Variants in ZMYM2 observed in about 807,000 individuals in gnomAD.
ZMYM2 encodes zinc finger MYM-type containing 2.
A neutral mutation model predicts 162.8 loss-of-function variants in ZMYM2; 56 were observed. The ratio of observed to expected loss-of-function variants is 0.34; its 90% CI spans 0.28 to 0.43. ZMYM2 has a LOEUF of 0.43. Ranked by LOEUF, ZMYM2 falls within the 20% of genes least tolerant of loss-of-function variation. The pLI is 1.00. For missense variants in ZMYM2, 1,275 were observed against 1,621.8 expected (o/e 0.79, Z 3.67); for synonymous variants, 510 against 541.6 (o/e 0.94, Z 0.81).
chr13:19,987,616 T>TTGGTG (rs1949273737), intron 2 of ZMYM2, among the ~76,000 whole-genome samples: 1 of 119,564 alleles, frequency 8.4e-6, no homozygotes, highest in Non-Finnish European at 1.7e-5. Context: ...AGATGGGGTT[T>TTGGTG]TGTCGTGTGT....
At chr13:19,903,742 G>A in the ZMYM2 span, among the ~76,000 whole-genome samples, 1 of 151,568 alleles carries the variant, frequency 6.6e-6, no homozygotes, top group South Asian at 2.1e-4. Context: ...CCAGCTACTT[G>A]GGAGGCTGAG....
At chr13:19,925,206 T>C in the ZMYM2 span, among the ~76,000 whole-genome samples, 1 of 152,178 alleles carries the variant, frequency 6.6e-6, no homozygotes, top group Non-Finnish European at 1.5e-5. Flanking sequence ...TTTCATACTG[T>C]TTTCTATAGT....
the ZMYM2 span, among the ~76,000 whole-genome samples, chr13:19,877,213 A>G: frequency 6.8e-6 from 1 of 147,020 alleles, no homozygotes; most frequent in South Asian, 2.1e-4. Context: ...CTCCGTCTCA[A>G]AAAAAAAAAA....
the ZMYM2 span, among the ~76,000 whole-genome samples, chr13:19,915,585 C>T: frequency 1.3e-5 from 2 of 152,010 alleles, no homozygotes; most frequent in African/African-American, 4.8e-5. Flanking sequence ...CTCAAAGCAA[C>T]ATCCGCCCCC....
chr13:20,034,209 A>G (rs61952375), intron 10 of ZMYM2, 45 bp from the exon 11 acceptor site: 1 of 180,432 alleles, frequency 5.5e-6, no homozygotes, highest in Non-Finnish European at 8.1e-6. Context: ...TTTATTTCTT[A>G]AGCTTGTCGT....
the ZMYM2 span, among the ~76,000 whole-genome samples, chr13:19,923,176 T>G: frequency 1.5e-5 from 2 of 135,306 alleles, no homozygotes; most frequent in African/African-American, 5.4e-5. Context: ...TGAAACCCCG[T>G]CTCTACTAAA....
chr13:20,083,379 A>T (rs1958035816), intron 23 of ZMYM2, among the ~76,000 whole-genome samples: 1 of 152,180 alleles, frequency 6.6e-6, no homozygotes. Flanking sequence ...CTATTTTGGG[A>T]TTGTCTATGG....
intron 19 of ZMYM2, 95 bp from the exon 20 acceptor site, chr13:20,066,756 A>C (rs1342351720): frequency 1.6e-6 from 2 of 1,262,840 alleles, no homozygotes; most frequent in East Asian, 5.6e-5. Flanking sequence ...TCAAGGGTCA[A>C]TTGTAATTTG....
intron 3 of ZMYM2, 119 bp downstream of exon 3, chr13:19,994,038 A>T: frequency 1.7e-6 from 2 of 1,183,246 alleles, no homozygotes; most frequent in Non-Finnish European, 2.3e-6. Flanking sequence ...TATGTGAATT[A>T]TATTGAATTT....
chr13:19,884,464 G>A, the ZMYM2 span, among the ~76,000 whole-genome samples: 14 of 152,228 alleles, frequency 9.2e-5, no homozygotes, highest in East Asian at 2.5e-3. Context: ...CGTGGTCCCA[G>A]CTACTCGGGA....
At chr13:19,947,663 TGGCTA>T in the ZMYM2 span, among the ~76,000 whole-genome samples, 54,892 of 148,404 alleles carry the variant, frequency 0.37, 10,131 homozygotes, top group African/African-American at 0.41. Context: ...TTCACCATGT[TGGCTA>T]GGCTAGGCTA....
At chr13:19,895,049 A>T in the ZMYM2 span, among the ~76,000 whole-genome samples, 3 of 142,794 alleles carry the variant, frequency 2.1e-5, no homozygotes, top group Non-Finnish European at 4.5e-5. Context: ...TTCACTCCAG[A>T]CTGGGCGAAA....
intron 18 of ZMYM2, among the ~76,000 whole-genome samples, chr13:20,063,862 A>T (rs7989046): frequency 4.1e-5 from 6 of 144,992 alleles, no homozygotes; most frequent in South Asian, 2.1e-4. Flanking sequence ...TGATGTATAT[A>T]ATATATAAAT....
At chr13:20,011,184 A>G (rs1198895182) in intron 6 of ZMYM2, among the ~76,000 whole-genome samples, 2 of 152,258 alleles carry the variant, frequency 1.3e-5, no homozygotes, top group African/African-American at 4.8e-5. Flanking sequence ...TACTCCTCCT[A>G]TATAGCTATA....
At chr13:20,083,162 A>G (rs1053400627) in intron 23 of ZMYM2, 130 bp downstream of exon 23, 1 of 932,782 alleles carries the variant, frequency 1.1e-6, no homozygotes, top group Non-Finnish European at 1.6e-6. Context: ...TCCTGGGTTC[A>G]AGCAATTCTC....
intron 9 of ZMYM2, among the ~76,000 whole-genome samples, chr13:20,030,369 T>G (rs1328947466): frequency 6.6e-6 from 1 of 151,228 alleles, no homozygotes; most frequent in Non-Finnish European, 1.5e-5. Context: ...GTAGCTGGGA[T>G]TACAGGCGTG....
At chr13:20,052,403 T>A (rs1955444544) in intron 14 of ZMYM2, 92 bp downstream of exon 14, 2 of 1,231,794 alleles carry the variant, frequency 1.6e-6, no homozygotes, top group Non-Finnish European at 1.1e-6. Flanking sequence ...ATAATAGTAA[T>A]TTTTTTGGTT....
At chr13:20,047,916 C>T (rs1017621482) in intron 12 of ZMYM2, among the ~76,000 whole-genome samples, 1 of 151,982 alleles carries the variant, frequency 6.6e-6, no homozygotes, top group Non-Finnish European at 1.5e-5. Context: ...GTAAATGTTT[C>T]CAGGCGTAAT....
At chr13:19,868,783 T>C in the ZMYM2 span, among the ~76,000 whole-genome samples, 1 of 152,062 alleles carries the variant, frequency 6.6e-6, no homozygotes, top group African/African-American at 2.4e-5. Context: ...CAGAATCTTA[T>C]TCTGTTGCCC....
Sources: gnomAD v4.1 joint callset for allele counts (sites outside exome capture counted in the v4.1 genomes callset) on GRCh38, gnomAD v4.1.1 for gene constraint, MANE v1.5 for transcripts, NCBI Gene and HGNC (gene_info 2026-07-23, HGNC 2026-07-21) for gene names.